The following SCRN1 variants were observed in gnomAD, a reference collection of about 807,000 sequenced individuals.
SCRN1 encodes secernin 1.
SCRN1 carries 19 observed loss-of-function variants against 43.3 expected under a neutral mutation model. The ratio of observed to expected loss-of-function variants is 0.44; its 90% CI spans 0.31 to 0.64. SCRN1 has a LOEUF of 0.64. Among genes scored for constraint, SCRN1 ranks in the 30% least tolerant of loss-of-function variants. SCRN1 has a pLI of 0.09. For synonymous variants in SCRN1, 183 were observed against 188.9 expected (o/e 0.97, Z 0.26); for missense variants, 447 against 524.1 (o/e 0.85, Z 1.44).
At chr7:29,968,788 G>A in intron 2 of SCRN1, 121 bp downstream of exon 2, 2 of 1,225,292 alleles carry the variant, frequency 1.6e-6, no homozygotes, top group South Asian at 1.4e-5. Context: ...ACAGGAATCA[G>A]CAGAACTGAC....
chr7:29,970,579 C>G (rs1407039188), intron 1 of SCRN1, among the ~76,000 whole-genome samples: 1 of 152,218 alleles, frequency 6.6e-6, no homozygotes, highest in East Asian at 1.9e-4. Flanking sequence ...CCAGCAAAAT[C>G]TAAGCAATAT....
Position 29,936,725 on chromosome 7 carries a change from CA to C in SCRN1, c.740-5del, listed in dbSNP as rs780013327. 6.6e-7 allele frequency: 1 copy of C among 1,523,322 alleles called. No homozygotes were observed. The highest frequency in any genetic ancestry group is 1.3e-5 in the South Asian group (1 of 77,088). The allele number at this position is 1,523,322 out of a possible 1,614,324, so 94.4% of individuals were successfully genotyped here. On this transcript the variant is annotated splice_region_variant and splice_polypyrimidine_tract_variant and intron_variant, in intron 5 of 7. Coordinates refer to ENST00000242059, the MANE Select transcript of SCRN1 (RefSeq NM_014766.5). ...ATAGTCTGCACTGTGATGCTTTCTG[CA>C]AAAACACAAAAGACAGACAAATGGA... is the stretch of plus-strand genomic sequence containing the variant.
rs1285992700 is a variant in SCRN1 at position 29,989,782 on chromosome 7, G to T, written c.-142C>A. 1.0e-6 allele frequency: 1 copy of T among 986,802 alleles called. No individual in the cohort carries two copies. The highest frequency in any genetic ancestry group is 1.2e-6 in the Non-Finnish European group (1 of 831,160). 61.1% of individuals were successfully genotyped at this position (986,802 alleles called of 1,614,324 possible). ...GCAGTGGCGGAGGCGGCCGCCGGGCGCTTCCCCCTACCCAGACTCCCGGCG... is the reference window on the plus strand; with the variant it reads ...GCAGTGGCGGAGGCGGCCGCCGGGCTCTTCCCCCTACCCAGACTCCCGGCG... On this transcript the variant is annotated 5_prime_UTR_variant, in exon 1 of 8. Transcript: ENST00000242059.
rs114040666 is a variant in SCRN1 at position 29,924,464 on chromosome 7, G to A, written c.1087-349C>T. Among the ~76,000 whole-genome samples, 675 of 152,236 alleles carry A rather than the reference G, an allele frequency of 4.4e-3. 7 individuals carry two copies. The highest frequency in any genetic ancestry group is 0.016 in the African/African-American group (648 of 41,550). ...GCCCTCCAGCCTCTGCTGCTGTCTC[G>A]CCCCTGCACAGGTGGCCCTGCCCTC... On this transcript the variant is annotated intron_variant, in intron 7 of 7. Transcript: ENST00000242059.
intron 2 of SCRN1, among the ~76,000 whole-genome samples, chr7:29,966,829 G>A (rs1320439541): frequency 6.6e-6 from 1 of 152,144 alleles, no homozygotes; most frequent in Non-Finnish European, 1.5e-5. Flanking sequence ...GTTCATTTCA[G>A]TGCCTTTGTT....
intron 1 of SCRN1, chr7:29,969,970 A>G: frequency 2.3e-6 from 1 of 427,132 alleles, no homozygotes; most frequent in Non-Finnish European, 4.8e-6. Context: ...CATCTCCTAA[A>G]TCTCTATGGA....
Position 29,944,002 on chromosome 7 carries a change from C to T in SCRN1, c.519G>A (p.Lys173=), listed in dbSNP as rs1367110791. Residue 173 remains lysine (K), a synonymous_variant, in exon 4 of 8, where the codon AAG becomes AAA. Coordinates refer to ENST00000242059, the MANE Select transcript of SCRN1 (RefSeq NM_014766.5). ...DEAWVLETIG[K]YWAAEKVTEG... is the part of the protein sequence containing the mutation. ...CTGTGACTTTCTCGGCAGCCCAGTACTTCCCTATGGTCTCGAGCACCCAGG... is the reference window on the plus strand; with the variant it reads ...CTGTGACTTTCTCGGCAGCCCAGTATTTCCCTATGGTCTCGAGCACCCAGG... 1.1e-5 allele frequency: 18 copies of T among 1,614,120 alleles called. No homozygotes were observed. The highest frequency in any genetic ancestry group is 1.4e-5 in the Non-Finnish European group (17 of 1,180,052).
chr7:29,971,647 A>C (rs558920169), intron 1 of SCRN1, among the ~76,000 whole-genome samples: 4 of 152,234 alleles, frequency 2.6e-5, no homozygotes, highest in East Asian at 3.9e-4. Context: ...AAAAAAAAAA[A>C]AAAACTTTAT....
At position 29,936,578 on chromosome 7, in the gene SCRN1, T is replaced by C. The variant is rs755752749; in HGVS notation, c.883A>G (p.Thr295Ala). 1 of 1,592,860 alleles carries C rather than the reference T, an allele frequency of 6.3e-7. No individual in the cohort carries two copies. The highest frequency in any genetic ancestry group is 8.6e-7 in the Non-Finnish European group (1 of 1,163,616). The change falls in exon 6 of 8, where the codon ACT becomes GCT. Residue 295 changes from threonine (T) to alanine (A), a missense_variant. By Grantham distance (58) the Thr-to-Ala change is moderately conservative. Coordinates refer to ENST00000242059, the MANE Select transcript of SCRN1 (RefSeq NM_014766.5). Reference protein sequence around the residue: ...NRSSPCIHYFTGTPDPSRSIF... With the variant: ...NRSSPCIHYFAGTPDPSRSIF... The stretch of plus-strand genomic sequence containing the variant: ...AACCTGGAAGGATCAGGGGTTCCAG[T>C]GAAGTAGTGAATGCACGGAGAGCTT...
At chr7:29,980,399 T>A (rs540356419) in intron 1 of SCRN1, among the ~76,000 whole-genome samples, 1 of 152,324 alleles carries the variant, frequency 6.6e-6, no homozygotes, top group South Asian at 2.1e-4. Flanking sequence ...TTTGGCAAGG[T>A]TGCTTTGAAT....
chr7:29,944,721 G>A (rs1003551771), intron 3 of SCRN1, among the ~76,000 whole-genome samples: 2 of 151,258 alleles, frequency 1.3e-5, no homozygotes, highest in East Asian at 3.9e-4. Context: ...GGTGTTTTCT[G>A]TCTTTGGTCA....
chr7:29,977,952 T>G (rs1788882871), intron 1 of SCRN1, among the ~76,000 whole-genome samples: 1 of 152,214 alleles, frequency 6.6e-6, no homozygotes, highest in South Asian at 2.1e-4. Flanking sequence ...AGCGGTCCCT[T>G]TGTCAAAGCC....
Position 29,940,773 on chromosome 7 carries a change from T to G in SCRN1, c.648A>C (p.Gly216=), listed in dbSNP as rs1415584689. The change falls in exon 5 of 8, where the codon GGA becomes GGC. Residue 216 remains glycine, a synonymous_variant. Transcript: ENST00000242059. The part of the protein sequence containing the change: ...SYAQSQGWWT[G]EGEFNFSEVF... ...CTTCGGAAAAATTGAACTCGCCCTCTCCCGTCCACCAACCTTGGCTCTGAG... is the reference window on the plus strand; with the variant it reads ...CTTCGGAAAAATTGAACTCGCCCTCGCCCGTCCACCAACCTTGGCTCTGAG... 1 of 1,610,704 alleles carries G rather than the reference T, an allele frequency of 6.2e-7. No homozygotes were observed. The highest frequency in any genetic ancestry group is 8.5e-7 in the Non-Finnish European group (1 of 1,179,094).
At chr7:29,956,801 TC>T (rs1387237558) in intron 2 of SCRN1, among the ~76,000 whole-genome samples, 3 of 152,170 alleles carry the variant, frequency 2.0e-5, no homozygotes, top group African/African-American at 7.2e-5. Flanking sequence ...TAAAATATAC[TC>T]AAGATTTTCC....
At chr7:29,960,713 C>A (rs553700534) in intron 2 of SCRN1, among the ~76,000 whole-genome samples, 1 of 152,074 alleles carries the variant, frequency 6.6e-6, no homozygotes, top group African/African-American at 2.4e-5. Context: ...TACACACACA[C>A]ACATCCACAC....
At chr7:29,990,252 A>G (rs1245971738), upstream of SCRN1, 1 of 1,551,648 alleles carries the variant, frequency 6.4e-7, no homozygotes, top group South Asian at 1.2e-5. Flanking sequence ...TTGGTAAGCC[A>G]GACCCTGTCC....
intron 1 of SCRN1, among the ~76,000 whole-genome samples, chr7:29,982,738 G>A (rs902031303): frequency 1.3e-5 from 2 of 150,646 alleles, no homozygotes; most frequent in South Asian, 2.1e-4. Context: ...TTTGCCCAGG[G>A]TTGTATAATT....
At chr7:29,942,474 A>G (rs1787589102) in intron 4 of SCRN1, among the ~76,000 whole-genome samples, 1 of 152,240 alleles carries the variant, frequency 6.6e-6, no homozygotes, top group South Asian at 2.1e-4. Context: ...TAGATCAAAA[A>G]GTGTTAGGTT....
At chr7:29,959,412 ATG>A (rs879619865) in intron 2 of SCRN1, among the ~76,000 whole-genome samples, 3 of 151,834 alleles carry the variant, frequency 2.0e-5, no homozygotes, top group East Asian at 1.9e-4. Flanking sequence ...AAAATTATAT[ATG>A]TGTGTGTGTG....
Sources: allele counts gnomAD v4.1 joint callset (sites outside exome capture counted in the v4.1 genomes callset), GRCh38; gene constraint gnomAD v4.1.1; transcripts MANE v1.5; gene names NCBI Gene and HGNC (gene_info 2026-07-23, HGNC 2026-07-21).